The following PIK3C2G variants were observed in gnomAD, a reference collection of about 807,000 sequenced individuals.
PIK3C2G encodes the protein phosphatidylinositol-4-phosphate 3-kinase catalytic subunit type 2 gamma.
In PIK3C2G, 168 loss-of-function variants were observed where a neutral mutation model predicts 181.1. That is an observed-to-expected ratio of 0.93 (90% CI 0.82 to 1.05). The LOEUF is 1.05. Among genes scored for constraint, PIK3C2G ranks in the 50% least tolerant of loss-of-function variants. The pLI, the probability that PIK3C2G is intolerant of heterozygous loss-of-function variation, is 0.00. For synonymous variants in PIK3C2G, 573 were observed against 592.2 expected (o/e 0.97, Z 0.47); for missense variants, 1,869 against 1,732.8 (o/e 1.08, Z -1.40).
chr12:18,243,879 A>G (rs976248959), upstream of PIK3C2G, among the ~76,000 whole-genome samples: 2 of 151,992 alleles, frequency 1.3e-5, no homozygotes, highest in East Asian at 3.9e-4. Context: ...AAAGGCACTT[A>G]TAAACTCTAA....
At chr12:18,440,573 G>A (rs934074867) in intron 18 of PIK3C2G, among the ~76,000 whole-genome samples, 1 of 152,110 alleles carries the variant, frequency 6.6e-6, no homozygotes, top group Non-Finnish European at 1.5e-5. Flanking sequence ...TGTATCTGAA[G>A]GAAGAGGATG....
the PIK3C2G span, chr12:18,693,796 G>T: frequency 4.6e-6 from 7 of 1,510,036 alleles, no homozygotes; most frequent in Non-Finnish European, 6.4e-6. Flanking sequence ...TGGATCCAGC[G>T]CTTATCAGAC....
intron 18 of PIK3C2G, among the ~76,000 whole-genome samples, chr12:18,484,003 G>A (rs1358674716): frequency 6.6e-6 from 1 of 152,152 alleles, no homozygotes; most frequent in Admixed American, 6.6e-5. Context: ...GAAGAAAGGA[G>A]AGGCAAAATT....
chr12:18,675,304 G>A, the PIK3C2G span, among the ~76,000 whole-genome samples: 1 of 152,146 alleles, frequency 6.6e-6, no homozygotes, highest in Admixed American at 6.6e-5. Context: ...GCTGTTTCAA[G>A]CCACTCTGTT....
the PIK3C2G span, among the ~76,000 whole-genome samples, chr12:18,685,939 C>T: frequency 6.6e-6 from 1 of 151,478 alleles, no homozygotes. Context: ...AAAAGTAAAC[C>T]AGGATACCAA....
chr12:18,341,021 G>A (rs1309617091), intron 9 of PIK3C2G, among the ~76,000 whole-genome samples: 4 of 152,152 alleles, frequency 2.6e-5, no homozygotes, highest in South Asian at 4.2e-4. Context: ...ATGTCGACAC[G>A]TCTTCCCATC....
intron 18 of PIK3C2G, among the ~76,000 whole-genome samples, chr12:18,437,094 G>A (rs1385477561): frequency 3.3e-5 from 5 of 151,666 alleles, no homozygotes; most frequent in Non-Finnish European, 7.4e-5. Flanking sequence ...TGTTTCCCAG[G>A]GCTGTGAAGA....
At chr12:18,603,957 G>T (rs1045313764) in intron 30 of PIK3C2G, among the ~76,000 whole-genome samples, 6 of 151,912 alleles carry the variant, frequency 3.9e-5, no homozygotes, top group African/African-American at 1.2e-4. Context: ...AAACAAAAAT[G>T]CAAGTTAAAA....
chr12:18,520,292 G>C (rs560204790), intron 24 of PIK3C2G, among the ~76,000 whole-genome samples: 1 of 152,110 alleles, frequency 6.6e-6, no homozygotes, highest in South Asian at 2.1e-4. Context: ...AGTTCTTCAG[G>C]ATAATATCCT....
intron 18 of PIK3C2G, among the ~76,000 whole-genome samples, chr12:18,468,073 G>C (rs1480146657): frequency 1.3e-5 from 2 of 151,930 alleles, no homozygotes; most frequent in East Asian, 3.9e-4. Flanking sequence ...AACCTCAACT[G>C]CTCCCCAGAA....
rs11285609 is a variant in PIK3C2G, at chr12:18,641,743, C to CTT, written c.4308+1208_4308+1209dup. Among the ~76,000 whole-genome samples, 542 of 93,146 alleles carry CTT rather than the reference C, an allele frequency of 5.8e-3. 13 individuals carry two copies. The highest frequency in any genetic ancestry group is 0.012 in the East Asian group (38 of 3,068). 61.1% of individuals were successfully genotyped at this position (93,146 alleles called of 152,430 possible). A position where few individuals can be genotyped will look rare whatever the true frequency, so the allele number is the denominator to read the frequency against. ...AAAACCCTGGCTTCTCTCTCTCAAG[C>CTT]TTTTTTTTTTTTTTTTTTTTGAGAT... On this transcript the variant is annotated intron_variant, in intron 32 of 32. Coordinates refer to ENST00000538779, the MANE Select transcript of PIK3C2G (RefSeq NM_001288772.2).
intron 24 of PIK3C2G, among the ~76,000 whole-genome samples, chr12:18,515,401 A>T (rs1402798914): frequency 6.6e-6 from 1 of 151,968 alleles, no homozygotes; most frequent in Non-Finnish European, 1.5e-5. Context: ...GTCTTGTTAC[A>T]CATGATTAGT....
At chr12:18,421,857 A>G (rs1489329606) in intron 17 of PIK3C2G, among the ~76,000 whole-genome samples, 3 of 151,934 alleles carry the variant, frequency 2.0e-5, no homozygotes, top group Non-Finnish European at 2.9e-5. Flanking sequence ...GAAGGAGCCT[A>G]TATTAATAAA....
chr12:18,648,700 A>T (rs771804072), downstream of PIK3C2G, among the ~76,000 whole-genome samples: 11 of 151,920 alleles, frequency 7.2e-5, no homozygotes, highest in Non-Finnish European at 1.2e-4. Context: ...AAGATCTCAA[A>T]CTCTGAAACT....
chr12:18,704,177 T>G, the PIK3C2G span, among the ~76,000 whole-genome samples: 1 of 152,038 alleles, frequency 6.6e-6, no homozygotes, highest in African/African-American at 2.4e-5. Context: ...AGATGAAGAC[T>G]AAAAGAGGTT....
intron 18 of PIK3C2G, among the ~76,000 whole-genome samples, chr12:18,456,548 T>C (rs1466170463): frequency 5.3e-5 from 8 of 152,180 alleles, no homozygotes; most frequent in Non-Finnish European, 1.0e-4. Context: ...GCAAAGAAGC[T>C]AGCCGCCCCA....
At chr12:18,309,843 T>C (rs1342876125) in intron 5 of PIK3C2G, among the ~76,000 whole-genome samples, 4 of 151,850 alleles carry the variant, frequency 2.6e-5, no homozygotes, top group Non-Finnish European at 5.9e-5. Context: ...TTCTCTAGCA[T>C]AATAGTTTAC....
intron 16 of PIK3C2G, among the ~76,000 whole-genome samples, chr12:18,417,424 A>G (rs899584066): frequency 6.6e-5 from 10 of 152,194 alleles, no homozygotes; most frequent in African/African-American, 2.4e-4. Context: ...ATGCTATCAA[A>G]CAGCATCACA....
intron 32 of PIK3C2G, among the ~76,000 whole-genome samples, chr12:18,641,910 C>T (rs1949863049): frequency 6.6e-6 from 1 of 152,026 alleles, no homozygotes; most frequent in Non-Finnish European, 1.5e-5. Flanking sequence ...CCACCACATC[C>T]AGCTAATTTT....
Sources: gnomAD v4.1 joint callset for allele counts (sites outside exome capture counted in the v4.1 genomes callset) on GRCh38, gnomAD v4.1.1 for gene constraint, MANE v1.5 for transcripts, NCBI Gene and HGNC (gene_info 2026-07-23, HGNC 2026-07-21) for gene names.